COP1: variants seen among roughly 807,000 people sequenced by gnomAD.
COP1 encodes E3 ubiquitin-protein ligase COP1.
A neutral mutation model predicts 101.3 loss-of-function variants in COP1; 24 were observed. The ratio of observed to expected loss-of-function variants is 0.24; its 90% CI spans 0.17 to 0.33. The LOEUF (loss-of-function observed/expected upper bound fraction) is 0.33, where lower values mean the gene tolerates loss of function less well. Ranked by LOEUF, COP1 falls within the 10% of genes least tolerant of loss-of-function variation. The pLI is 1.00. For synonymous variants in COP1, 347 were observed against 341.9 expected, an observed-to-expected ratio of 1.01 and a Z score of -0.17; for missense variants, 663 against 906.2, an observed-to-expected ratio of 0.73 and a Z score of 3.45.
At chr1:176,061,106 G>A (rs985271454) in intron 11 of COP1, among the ~76,000 whole-genome samples, 3 of 152,078 alleles carry the variant, frequency 2.0e-5, no homozygotes, top group African/African-American at 7.2e-5. Flanking sequence ...TGGCCTAAGA[G>A]GAGACATACA....
intron 15 of COP1, chr1:176,017,566 C>T (rs1665885025): frequency 6.6e-6 from 1 of 152,078 alleles, no homozygotes; most frequent in Non-Finnish European, 1.5e-5. Flanking sequence ...GCTCTGTCAC[C>T]CAGGCTAAAG....
In COP1 at chr1:176,207,283, G is replaced by T. The variant is rs557657914; in HGVS notation, c.-305C>A. On this transcript the variant is annotated 5_prime_UTR_variant, in exon 1 of 20. Transcript: ENST00000367669. ...CGTGGCCGGCCGTGCGCGCGCGCGC[G>T]AGCGGCGGAAGAGGCGGGCGTGGCG... The T allele has an allele frequency of 8.6e-4, 334 of 386,408 alleles. 6 individuals carry two copies. The East Asian group carries it at 0.012, about 14-fold the overall frequency. The allele number at this position is 386,408 out of a possible 1,614,324, so 23.9% of individuals were successfully genotyped here.
intron 18 of COP1, among the ~76,000 whole-genome samples, chr1:175,953,681 A>G (rs1017636523): frequency 1.3e-5 from 2 of 152,026 alleles, no homozygotes; most frequent in African/African-American, 4.8e-5. Flanking sequence ...TGGAATGGCT[A>G]TATCAGAAAA....
chr1:176,186,459 T>TG (rs1698452492), intron 1 of COP1, among the ~76,000 whole-genome samples: 1 of 151,926 alleles, frequency 6.6e-6, no homozygotes, highest in African/African-American at 2.4e-5. Flanking sequence ...AATGATCACT[T>TG]GAGCACAGCA....
chr1:176,148,964 A>G lies in COP1; in HGVS notation c.831+42T>C, dbSNP rs765839104. 3.2e-6 allele frequency: 4 copies of G among 1,256,412 alleles called. No homozygotes were observed. The South Asian group carries it at 5.8e-5, about 18-fold the overall frequency. The allele number at this position is 1,256,412 out of a possible 1,614,324, so 77.8% of individuals were successfully genotyped here. A position where few individuals can be genotyped will look rare whatever the true frequency, so the allele number is the denominator to read the frequency against. Reference sequence around the variant, plus strand: ...TTTTACAAAATGGGAACAGTTAACAATAGTAAATAAAACATTATGTAAAAC... The same window carrying G: ...TTTTACAAAATGGGAACAGTTAACAGTAGTAAATAAAACATTATGTAAAAC... On this transcript the variant is annotated intron_variant, in intron 6 of 19. Coordinates refer to ENST00000367669, the MANE Select transcript of COP1 (RefSeq NM_022457.7).
chr1:176,192,471 C>T lies in COP1; in HGVS notation c.408-7779G>A, dbSNP rs145881477. 2.6e-3 allele frequency among the ~76,000 whole-genome samples: 398 copies of T among 152,252 alleles called. 3 individuals carry two copies. Among genetic ancestry groups the T allele is most frequent in the African/African-American group, 9.1e-3 (380 of 41,562 alleles). ...CTCAAGACTACCCGCTTACAATATA[C>T]AGCCCCTTCAGCACCAACACTACAC... On this transcript the variant is annotated intron_variant, in intron 1 of 19. Transcript: ENST00000367669.
chr1:176,067,131 T>G (rs187972543), intron 11 of COP1, among the ~76,000 whole-genome samples: 24 of 152,214 alleles, frequency 1.6e-4, no homozygotes, highest in African/African-American at 5.8e-4. Context: ...TCCAAACCCA[T>G]AGAATATACA....
intron 11 of COP1, among the ~76,000 whole-genome samples, chr1:176,069,812 C>T (rs1283747166): frequency 6.6e-6 from 1 of 152,210 alleles, no homozygotes; most frequent in Non-Finnish European, 1.5e-5. Context: ...CAGATCCAAT[C>T]CCATCTGTAA....
At chr1:176,133,956 A>G in intron 8 of COP1, 1 of 437,700 alleles carries the variant, frequency 2.3e-6, no homozygotes, top group South Asian at 1.6e-5. Context: ...CAAAGAAAGT[A>G]AAATATAGAA....
chr1:176,077,880 A>G (rs1459567519), intron 11 of COP1, among the ~76,000 whole-genome samples: 3 of 147,006 alleles, frequency 2.0e-5, no homozygotes, highest in Non-Finnish European at 3.0e-5. Flanking sequence ...AGAAAGAAAT[A>G]AAAAACACAA....
At chr1:176,194,430 G>A (rs1572790238) in intron 1 of COP1, among the ~76,000 whole-genome samples, 1 of 152,140 alleles carries the variant, frequency 6.6e-6, no homozygotes, top group East Asian at 1.9e-4. Context: ...ACAAAGTCAG[G>A]AGATCAAGAC....
chr1:176,011,760 A>G (rs780985513), intron 15 of COP1, among the ~76,000 whole-genome samples: 1 of 152,244 alleles, frequency 6.6e-6, no homozygotes, highest in Non-Finnish European at 1.5e-5. Flanking sequence ...TGGCAGTGCC[A>G]TAAGATTATA....
intron 18 of COP1, among the ~76,000 whole-genome samples, chr1:175,975,289 C>A (rs1189159075): frequency 6.6e-6 from 1 of 152,116 alleles, no homozygotes; most frequent in African/African-American, 2.4e-5. Context: ...CCACTCCCAC[C>A]ACCATTAGTT....
At chr1:176,201,525 G>A (rs1700256251) in intron 1 of COP1, among the ~76,000 whole-genome samples, 1 of 152,162 alleles carries the variant, frequency 6.6e-6, no homozygotes, top group African/African-American at 2.4e-5. Context: ...CTCATTATCA[G>A]AAAAGGTATA....
In COP1 at chr1:176,180,044, A is replaced by G. The variant is rs541928563; in HGVS notation, c.468-4037T>C. On this transcript the variant is annotated intron_variant, in intron 2 of 19. Transcript: ENST00000367669. ...GCATCGAGCGTATCTTAGAGCATCT[A>G]CTACTTCACTACCACCCCAAAAGAG... is the stretch of plus-strand genomic sequence containing the variant. Among the ~76,000 whole-genome samples, 6 of 152,306 alleles carry G rather than the reference A, an allele frequency of 3.9e-5. 1 individual carries two copies. Among genetic ancestry groups the G allele is most frequent in the African/African-American group, 1.2e-4 (5 of 41,570 alleles).
intron 7 of COP1, 71 bp downstream of exon 7, chr1:176,136,417 C>T: frequency 9.7e-7 from 1 of 1,029,846 alleles, no homozygotes; most frequent in Non-Finnish European, 1.5e-6. Context: ...AACACAGCAA[C>T]TTAATGGAAA....
chr1:176,184,812 T>C (rs933532781), intron 1 of COP1, 120 bp from the exon 2 acceptor site: 4 of 635,870 alleles, frequency 6.3e-6, no homozygotes, highest in Non-Finnish European at 1.1e-5. Context: ...GCTAAGTCTA[T>C]AAACATTCTA....
intron 18 of COP1, among the ~76,000 whole-genome samples, chr1:175,981,551 T>C (rs564422652): frequency 9.2e-5 from 14 of 152,234 alleles, no homozygotes; most frequent in African/African-American, 3.4e-4. Flanking sequence ...AACATAAGAC[T>C]GAAAACTGTA....
chr1:176,023,358 T>C (rs182864237), intron 15 of COP1, among the ~76,000 whole-genome samples: 4 of 152,354 alleles, frequency 2.6e-5, no homozygotes, highest in South Asian at 4.1e-4. Flanking sequence ...ACAGGAATTA[T>C]AAAGGAATGT....
Sources: gnomAD v4.1 joint callset for allele counts (sites outside exome capture counted in the v4.1 genomes callset) on GRCh38, gnomAD v4.1.1 for gene constraint, MANE v1.5 for transcripts, NCBI Gene and HGNC (gene_info 2026-07-23, HGNC 2026-07-21) for gene names.